RBBP8NL: variants seen among roughly 807,000 people sequenced by gnomAD.
RBBP8NL encodes the protein RBBP8 N-terminal like, also known as RBBP8 N-terminal-like protein.
RBBP8NL carries 59 observed loss-of-function variants against 62.2 expected under a neutral mutation model. The ratio of observed to expected loss-of-function variants is 0.95; its 90% CI spans 0.77 to 1.18. The LOEUF is 1.18. RBBP8NL is among the 50% of genes most tolerant of loss of function. RBBP8NL has a pLI of 0.00. For synonymous variants in RBBP8NL, 412 were observed against 394.1 expected (o/e 1.05, Z -0.54); for missense variants, 896 against 899.5 (o/e 1.00, Z 0.05).
At chr20:62,416,522 C>T (rs369237220) in intron 5 of RBBP8NL, among the ~76,000 whole-genome samples, 21 of 152,316 alleles carry the variant, frequency 1.4e-4, no homozygotes, top group African/African-American at 4.8e-4. Context: ...GGAGGCCGCG[C>T]CCAGTGGGGG....
intron 1 of RBBP8NL, among the ~76,000 whole-genome samples, chr20:62,420,323 C>T (rs909950189): frequency 8.6e-5 from 13 of 151,184 alleles, no homozygotes; most frequent in South Asian, 2.1e-4. Context: ...CCTCCAATGC[C>T]GTGGCAGCTT....
At chr20:62,418,521 G>A in intron 2 of RBBP8NL, 56 bp from the exon 3 acceptor site, 1 of 1,484,902 alleles carries the variant, frequency 6.7e-7, no homozygotes, top group East Asian at 2.5e-5. Context: ...TTCACCTTCA[G>A]TGTCCCCACC....
At chr20:62,423,536 C>G (rs1988750158) in intron 1 of RBBP8NL, among the ~76,000 whole-genome samples, 1 of 152,278 alleles carries the variant, frequency 6.6e-6, no homozygotes, top group South Asian at 2.1e-4. Context: ...CCACTCTTCC[C>G]TGGCCCCCAG....
chr20:62,413,422 G>A lies in RBBP8NL; in HGVS notation c.1654C>T (p.Pro552Ser), dbSNP rs1601485337. ...HPQPPPHPQP[P>S]DLDGHPEPSK... Reference sequence around the variant, plus strand: ...GTACCTGGGTGGCCGTCCAGGTCAGGCGGCTGTGGGTGGGGAGGCGGCTGT... The same window carrying A: ...GTACCTGGGTGGCCGTCCAGGTCAGACGGCTGTGGGTGGGGAGGCGGCTGT... The change falls in exon 11 of 14, where the codon CCT becomes TCT. Residue 552 changes from proline (P) to serine (S), a missense_variant. By Grantham distance (74) the Pro-to-Ser change is moderately conservative (BLOSUM62 -1). Transcript: ENST00000252998. The A allele has an allele frequency of 2.1e-6, 3 of 1,457,190 alleles. No homozygotes were observed. The highest frequency in any genetic ancestry group is 9.0e-7 in the Non-Finnish European group (1 of 1,105,932). 90.3% of individuals were successfully genotyped at this position (1,457,190 alleles called of 1,614,324 possible).
At position 62,415,636 on chromosome 20, in the gene RBBP8NL, G is replaced by C; in HGVS notation, c.569C>G (p.Ser190Cys). The change falls in exon 8 of 14, where the codon TCT becomes TGT. Residue 190 changes from serine to cysteine, a missense_variant. Coordinates refer to ENST00000252998, the MANE Select transcript of RBBP8NL (RefSeq NM_080833.3). ...GEEKPAGHRTSPVAKISPGAT... is the reference protein window; with the variant it reads ...GEEKPAGHRTCPVAKISPGAT... ...CCCTGGGGAGATTTTGGCCACTGGA[G>C]ATGTCCTGTGCCCTGCTGGCTTTTC... 6.2e-7 allele frequency: 1 copy of C among 1,613,012 alleles called. No individual in the cohort carries two copies. The highest frequency in any genetic ancestry group is 8.5e-7 in the Non-Finnish European group (1 of 1,179,920).
chr20:62,420,983 A>G (rs1988684582), intron 1 of RBBP8NL, among the ~76,000 whole-genome samples: 1 of 152,294 alleles, frequency 6.6e-6, no homozygotes, highest in Non-Finnish European at 1.5e-5. Context: ...TGGCCTGGAG[A>G]GCTCCCAGGC....
chr20:62,416,596 G>A (rs1988571887), intron 5 of RBBP8NL, among the ~76,000 whole-genome samples, 164 bp downstream of exon 5: 2 of 152,206 alleles, frequency 1.3e-5, no homozygotes, highest in African/African-American at 4.8e-5. Flanking sequence ...AGCGCCGGCT[G>A]GGGGCTTTGT....
intron 1 of RBBP8NL, among the ~76,000 whole-genome samples, chr20:62,420,154 C>T (rs1009353936): frequency 9.9e-5 from 15 of 152,250 alleles, no homozygotes; most frequent in African/African-American, 3.6e-4. Flanking sequence ...GCTGGTGGCA[C>T]CTGCCCAGCT....
In RBBP8NL at chr20:62,415,771, C is replaced by A; in HGVS notation, c.544+17G>T. 1.2e-6 allele frequency: 2 copies of A among 1,611,236 alleles called. No individual in the cohort carries two copies. The highest frequency in any genetic ancestry group is 1.7e-6 in the Non-Finnish European group (2 of 1,179,772). Reference sequence around the variant, plus strand: ...GCGGGGGCCCAGCCTCCCAGCCTCACCCGGTCCCCACAGCACCTTCTCCCC... The same window carrying A: ...GCGGGGGCCCAGCCTCCCAGCCTCAACCGGTCCCCACAGCACCTTCTCCCC... On this transcript the variant is annotated intron_variant, in intron 7 of 13. Transcript: ENST00000252998.
At chr20:62,425,741 G>A (rs183014892) in intron 1 of RBBP8NL, among the ~76,000 whole-genome samples, 78 of 152,358 alleles carry the variant, frequency 5.1e-4, no homozygotes, top group African/African-American at 1.4e-3. Flanking sequence ...CCCAGCCACC[G>A]ACCCCCAGCA....
intron 1 of RBBP8NL, among the ~76,000 whole-genome samples, chr20:62,426,130 G>A (rs1988803093): frequency 6.6e-6 from 1 of 152,084 alleles, no homozygotes; most frequent in South Asian, 2.1e-4. Context: ...AGCAGTGGCA[G>A]TGGCAGTGGT....
At position 62,419,568 on chromosome 20, in the gene RBBP8NL, T is replaced by TCTGTCCCTGGCCC. The variant is rs773490918; in HGVS notation, c.61+6_61+18dup. 9.3e-6 allele frequency: 15 copies of TCTGTCCCTGGCCC among 1,613,204 alleles called. 1 individual carries two copies. Among genetic ancestry groups the TCTGTCCCTGGCCC allele is most frequent in the South Asian group, 6.6e-5 (6 of 91,074 alleles). ...GTGGAGACCCCTCCCTAGCCTGGCA[T>TCTGTCCCTGGCCC]CTGTCCCTGGCCCCTCACCCAGGAC... On this transcript the variant is annotated intron_variant, in intron 2 of 13. Coordinates refer to ENST00000252998, the MANE Select transcript of RBBP8NL (RefSeq NM_080833.3).
At position 62,413,941 on chromosome 20, in the gene RBBP8NL, G is replaced by A. The variant is rs1236705817; in HGVS notation, c.1410C>T (p.Ala470=). Residue 470 remains alanine (A), a synonymous_variant, in exon 10 of 14, where the codon GCC becomes GCT. Transcript: ENST00000252998. ...TGGGTGGCTCGGGGCTGGCAGTGTGGGCAGCGGCAGGGCTGAGTGACCCAT... is the reference window on the plus strand; with the variant it reads ...TGGGTGGCTCGGGGCTGGCAGTGTGAGCAGCGGCAGGGCTGAGTGACCCAT... ...GQHGSLSPAA[A]HTASPEPPTQ... 3.8e-6 allele frequency: 6 copies of A among 1,586,752 alleles called. No individual in the cohort carries two copies. The highest frequency in any genetic ancestry group is 5.1e-6 in the Non-Finnish European group (6 of 1,167,596).
intron 3 of RBBP8NL, among the ~76,000 whole-genome samples, chr20:62,417,770 A>G (rs111654865): frequency 0.014 from 228 of 16,428 alleles, no homozygotes; most frequent in Middle Eastern, 0.05. Flanking sequence ...TCCACACACC[A>G]CCCCCCCGGT....
chr20:62,415,491 G>A, intron 8 of RBBP8NL, 87 bp downstream of exon 8: 1 of 1,465,724 alleles, frequency 6.8e-7, no homozygotes, highest in Non-Finnish European at 9.5e-7. Flanking sequence ...CGCATGAGAG[G>A]CTGGCATACT....
intron 2 of RBBP8NL, among the ~76,000 whole-genome samples, chr20:62,419,298 G>A (rs1988648289): frequency 6.6e-6 from 1 of 152,196 alleles, no homozygotes; most frequent in Non-Finnish European, 1.5e-5. Context: ...TGGCCATGAG[G>A]TGTTGGTGGC....
rs1988789430 is a variant in RBBP8NL at position 62,425,790 on chromosome 20, C to T, written c.-84+1670G>A. On this transcript the variant is annotated intron_variant, in intron 1 of 13. Transcript: ENST00000252998. ...AGGAGTGCGGAGCTGGACACTGGTA[C>T]CCTCCGTCTCTGAGGCCTGGGCTGT... Among the ~76,000 whole-genome samples the T allele has an allele frequency of 3.9e-5, 6 of 152,266 alleles. No homozygotes were observed. In the South Asian group the frequency reaches 1.2e-3, roughly 32 times the overall value.
intron 12 of RBBP8NL, 23 bp downstream of exon 12, chr20:62,412,807 C>A (rs1368013958): frequency 6.2e-7 from 1 of 1,613,314 alleles, no homozygotes; most frequent in African/African-American, 1.3e-5. Flanking sequence ...CCCTGCCCTG[C>A]TGAGTGTGTG....
At chr20:62,418,921 G>A (rs1016235814) in intron 2 of RBBP8NL, among the ~76,000 whole-genome samples, 1 of 152,204 alleles carries the variant, frequency 6.6e-6, no homozygotes, top group Non-Finnish European at 1.5e-5. Context: ...TCTCTGGGTT[G>A]CCTAGGAGGC....
Sources: allele counts gnomAD v4.1 joint callset (sites outside exome capture counted in the v4.1 genomes callset), GRCh38; gene constraint gnomAD v4.1.1; transcripts MANE v1.5; gene names NCBI Gene and HGNC (gene_info 2026-07-23, HGNC 2026-07-21).